The following BEND4 variants were observed in gnomAD, a reference collection of about 807,000 sequenced individuals.
BEND4 encodes BEN domain containing 4.
A neutral mutation model predicts 54.7 loss-of-function variants in BEND4; 27 were observed. The observed-to-expected ratio is 0.49, with a 90% CI of 0.36 to 0.68. BEND4 has a LOEUF of 0.68. BEND4 is among the 30% of genes least tolerant of loss of function. BEND4 has a pLI of 0.00. For synonymous variants in BEND4, 327 were observed against 299.5 expected, an observed-to-expected ratio of 1.09 and a Z score of -0.95; for missense variants, 702 against 697.2, an observed-to-expected ratio of 1.01 and a Z score of -0.08.
At position 42,143,497 on chromosome 4, in the gene BEND4, G is replaced by A; in HGVS notation, c.985C>T (p.Leu329=). The change falls in exon 3 of 6, where the codon CTG becomes TTG. Residue 329 remains leucine, a synonymous_variant. Transcript: ENST00000502486. ...TGCAGTGAAATAACCTCCTGCTCCA[G>A]CTCTTGGCATCGAGGACAATAGCCT... is the stretch of plus-strand genomic sequence containing the variant. The part of the protein sequence containing the change: ...EEGYCPRCQE[L]EQEVISLQQE... 3 of 1,552,462 alleles carry A rather than the reference G, an allele frequency of 1.9e-6. No individual in the cohort carries two copies. Among genetic ancestry groups the A allele is most frequent in the Non-Finnish European group, 2.6e-6 (3 of 1,147,244 alleles).
intron 4 of BEND4, among the ~76,000 whole-genome samples, chr4:42,123,164 T>A (rs1054245340): frequency 5.3e-5 from 8 of 152,192 alleles, no homozygotes; most frequent in African/African-American, 1.9e-4. Flanking sequence ...GGGTTATGGA[T>A]GAGATCTATA....
At chr4:42,136,576 C>A (rs574744512) in intron 3 of BEND4, among the ~76,000 whole-genome samples, 20 of 152,382 alleles carry the variant, frequency 1.3e-4, no homozygotes, top group African/African-American at 4.8e-4. Context: ...ACATTCCCAG[C>A]TGAAGCTTAA....
rs531512101 is a variant in BEND4, at chr4:42,151,547, G to T, written c.487+110C>A. 3 of 1,173,720 alleles carry T rather than the reference G, an allele frequency of 2.6e-6. No homozygotes were observed. The East Asian group carries it at 9.7e-5, about 38-fold the overall frequency. 72.7% of individuals were successfully genotyped at this position (1,173,720 alleles called of 1,614,324 possible). A position where few individuals can be genotyped will look rare whatever the true frequency, so the allele number is the denominator to read the frequency against. On this transcript the variant is annotated intron_variant, in intron 2 of 5. Coordinates refer to ENST00000502486, the MANE Select transcript of BEND4 (RefSeq NM_207406.4). Reference sequence around the variant, plus strand: ...GGCCCCAGGTGCGCCCCGACATCCCGACACGGCCCAGCACGGGTAAGTGTC... The same window carrying T: ...GGCCCCAGGTGCGCCCCGACATCCCTACACGGCCCAGCACGGGTAAGTGTC...
At chr4:42,135,528 T>C (rs192574675) in intron 3 of BEND4, among the ~76,000 whole-genome samples, 1 of 152,068 alleles carries the variant, frequency 6.6e-6, no homozygotes, top group African/African-American at 2.4e-5. Flanking sequence ...ATCCCAGGAC[T>C]TTGGGAGGCC....
intron 3 of BEND4, among the ~76,000 whole-genome samples, chr4:42,139,591 G>GAA (rs35596478): frequency 4.3e-5 from 6 of 138,782 alleles, no homozygotes; most frequent in African/African-American, 7.9e-5. Context: ...CTTTATTTCA[G>GAA]AAAAAAAAAA....
chr4:42,149,789 G>A (rs935761344), intron 2 of BEND4, among the ~76,000 whole-genome samples: 1 of 151,190 alleles, frequency 6.6e-6, no homozygotes, highest in Non-Finnish European at 1.5e-5. Context: ...AGTAACCAAG[G>A]AAAGAACAGC....
chr4:42,138,598 C>A (rs1363784363), intron 3 of BEND4, among the ~76,000 whole-genome samples: 1 of 152,178 alleles, frequency 6.6e-6, no homozygotes, highest in East Asian at 1.9e-4. Flanking sequence ...AGAACAACAA[C>A]AGAAAAATGT....
intron 3 of BEND4, among the ~76,000 whole-genome samples, chr4:42,130,890 G>C (rs553553010): frequency 8.3e-6 from 1 of 119,788 alleles, no homozygotes; most frequent in Admixed American, 7.1e-5. Flanking sequence ...GCCACAAAAA[G>C]GAAACGAGAG....
chr4:42,146,729 T>A (rs1447781484), intron 2 of BEND4, among the ~76,000 whole-genome samples: 3 of 152,236 alleles, frequency 2.0e-5, no homozygotes, highest in African/African-American at 7.2e-5. Context: ...GTATTTACTG[T>A]TTGCATTTTA....
At position 42,144,091 on chromosome 4, in the gene BEND4, A is replaced by G. The variant is rs756909245; in HGVS notation, c.488-97T>C. 13 of 865,756 alleles carry G rather than the reference A, an allele frequency of 1.5e-5. 1 individual carries two copies. In the South Asian group the frequency reaches 1.7e-4, roughly 11 times the overall value. 53.6% of individuals were successfully genotyped at this position (865,756 alleles called of 1,614,324 possible). The stretch of plus-strand genomic sequence containing the variant: ...AGCTTAACATTCAAACATGTTAAAA[A>G]TATGTATTTCTACTGTCTGTCATAA... On this transcript the variant is annotated intron_variant, in intron 2 of 5. Coordinates refer to ENST00000502486, the MANE Select transcript of BEND4 (RefSeq NM_207406.4).
chr4:42,117,919 T>C (rs1021066762), intron 5 of BEND4, among the ~76,000 whole-genome samples, 184 bp from the exon 6 acceptor site: 3 of 133,794 alleles, frequency 2.2e-5, no homozygotes, highest in Non-Finnish European at 4.6e-5. Context: ...CAAATTTTCT[T>C]CTCATGTGCA....
chr4:42,145,234 T>G (rs1230556324), intron 2 of BEND4, among the ~76,000 whole-genome samples: 1 of 152,124 alleles, frequency 6.6e-6, no homozygotes, highest in Non-Finnish European at 1.5e-5. Context: ...AGAAATCCCC[T>G]AGAACACACC....
chr4:42,124,391 G>A (rs1482130867), intron 4 of BEND4, among the ~76,000 whole-genome samples: 3 of 152,170 alleles, frequency 2.0e-5, no homozygotes, highest in African/African-American at 7.2e-5. Flanking sequence ...CATAACTGAT[G>A]AGAAAAGGCA....
rs142229362 is a variant in BEND4 at position 42,112,038 on chromosome 4, T to C, written c.*5480A>G. The C allele has an allele frequency of 1.4e-4, 21 of 152,336 alleles. No individual in the cohort carries two copies. The East Asian group carries it at 3.7e-3, about 27-fold the overall frequency. 9.4% of individuals were successfully genotyped at this position (152,336 alleles called of 1,614,324 possible). On this transcript the variant is annotated 3_prime_UTR_variant, in exon 6 of 6. Transcript: ENST00000502486. ...TGTTCCTACCTAAGCATCGACATAC[T>C]TTAGTAGTTTTTAGCAATACACAAA...
At chr4:42,131,811 A>C (rs2153145961) in intron 3 of BEND4, among the ~76,000 whole-genome samples, 1 of 152,126 alleles carries the variant, frequency 6.6e-6, no homozygotes, top group South Asian at 2.1e-4. Context: ...AAAAATAGCC[A>C]AAACTGCCCC....
At chr4:42,147,522 C>T (rs1412180731) in intron 2 of BEND4, among the ~76,000 whole-genome samples, 1 of 142,380 alleles carries the variant, frequency 7.0e-6, no homozygotes, top group Non-Finnish European at 1.5e-5. Context: ...GAATGCTCCA[C>T]TCAAGTGATG....
chr4:42,148,634 G>A (rs1469974173), intron 2 of BEND4, among the ~76,000 whole-genome samples: 6 of 152,046 alleles, frequency 3.9e-5, no homozygotes, highest in Non-Finnish European at 5.9e-5. Flanking sequence ...TTATATGGTG[G>A]TTTATAGCTG....
intron 3 of BEND4, among the ~76,000 whole-genome samples, chr4:42,138,560 C>G (rs767476323): frequency 5.9e-5 from 9 of 152,068 alleles, no homozygotes; most frequent in Non-Finnish European, 1.2e-4. Flanking sequence ...TTAAGGCTAT[C>G]GAACAGATTG....
chr4:42,139,554 T>C (rs766585281), intron 3 of BEND4, among the ~76,000 whole-genome samples: 6 of 151,238 alleles, frequency 4.0e-5, no homozygotes, highest in Non-Finnish European at 8.9e-5. Context: ...TAACTCTCAT[T>C]TCAAGAACTG....
Sources: gnomAD v4.1 joint callset for allele counts (sites outside exome capture counted in the v4.1 genomes callset) on GRCh38, gnomAD v4.1.1 for gene constraint, MANE v1.5 for transcripts, NCBI Gene and HGNC (gene_info 2026-07-23, HGNC 2026-07-21) for gene names.